CMSS1: variants seen among roughly 807,000 people sequenced by gnomAD.
CMSS1 encodes the protein protein CMSS1.
Under a neutral mutation model 43.5 loss-of-function variants are expected in CMSS1, and 33 were observed. That is an observed-to-expected ratio of 0.76 (90% CI 0.57 to 1.01). CMSS1 has a LOEUF of 1.01. Among genes scored for constraint, CMSS1 ranks in the 50% least tolerant of loss-of-function variants. The probability of loss-of-function intolerance (pLI) is 0.00; values close to 1 mark genes in which losing one functional copy is unlikely to be tolerated. For synonymous variants in CMSS1, 115 were observed against 117.2 expected (o/e 0.98, Z 0.12); for missense variants, 313 against 326.4 (o/e 0.96, Z 0.32).
intron 1 of CMSS1, among the ~76,000 whole-genome samples, chr3:100,129,338 C>A (rs929892767): frequency 2.0e-5 from 3 of 152,034 alleles, no homozygotes; most frequent in Admixed American, 6.5e-5. Context: ...TTTCATAATT[C>A]TTAGTAGGGA....
At chr3:99,832,335 A>G (rs1159279179) in intron 1 of CMSS1, among the ~76,000 whole-genome samples, 2 of 144,196 alleles carry the variant, frequency 1.4e-5, no homozygotes, top group Non-Finnish European at 3.0e-5. Context: ...GGCTCCCGCC[A>G]TTCTCCTGCC....
chr3:99,875,981 G>C (rs964644350), intron 1 of CMSS1: 20 of 861,830 alleles, frequency 2.3e-5, no homozygotes, highest in Middle Eastern at 5.8e-4. Flanking sequence ...TTGTGATGCT[G>C]AGACAGCTTT....
At chr3:99,905,672 T>C (rs1706592595) in intron 1 of CMSS1, among the ~76,000 whole-genome samples, 1 of 152,248 alleles carries the variant, frequency 6.6e-6, no homozygotes, top group South Asian at 2.1e-4. Context: ...ACTCTGCCAC[T>C]AGCCTCCTTT....
At position 99,854,309 on chromosome 3, in the gene CMSS1, C is replaced by A. The variant is rs142458840; in HGVS notation, c.64+36266C>A. ...GTACAGGATTTAGCATTGATACTTG[C>A]ATTATATGCTAATGCAGGTTATCAT... On this transcript the variant is annotated intron_variant, in intron 1 of 9. Coordinates refer to ENST00000421999, the MANE Select transcript of CMSS1 (RefSeq NM_032359.4). Among the ~76,000 whole-genome samples, 1,099 of 152,198 alleles carry A rather than the reference C, an allele frequency of 7.2e-3. 19 individuals carry two copies. Among genetic ancestry groups the A allele is most frequent in the African/African-American group, 0.024 (1,012 of 41,514 alleles).
At chr3:99,909,499 G>T (rs1410773836) in intron 1 of CMSS1, among the ~76,000 whole-genome samples, 2 of 152,102 alleles carry the variant, frequency 1.3e-5, no homozygotes, top group African/African-American at 4.8e-5. Context: ...TGTGAATAAT[G>T]AAAAGTCAAA....
chr3:100,146,652 A>G (rs903806507), intron 1 of CMSS1, among the ~76,000 whole-genome samples: 12 of 152,232 alleles, frequency 7.9e-5, no homozygotes, highest in Non-Finnish European at 8.8e-5. Context: ...TCATCATAAG[A>G]CAGCCTTTTG....
At chr3:100,135,487 TGTG>T (rs2066746081) in intron 1 of CMSS1, among the ~76,000 whole-genome samples, 6 of 139,640 alleles carry the variant, frequency 4.3e-5, no homozygotes, top group Non-Finnish European at 9.4e-5. Flanking sequence ...TGTGTGTGTG[TGTG>T]TTTAAGAGAC....
chr3:99,998,060 T>C (rs1196823583), intron 1 of CMSS1, among the ~76,000 whole-genome samples: 1 of 152,194 alleles, frequency 6.6e-6, no homozygotes, highest in Admixed American at 6.5e-5. Flanking sequence ...AGTTAACTAG[T>C]GTTTAGTTTA....
chr3:99,985,838 C>T (rs1344616134), intron 1 of CMSS1, among the ~76,000 whole-genome samples: 1 of 152,172 alleles, frequency 6.6e-6, no homozygotes, highest in Non-Finnish European at 1.5e-5. Flanking sequence ...ATCCACCCAC[C>T]TCGGCCTCCC....
chr3:100,078,159 A>G (rs1282749714), intron 1 of CMSS1, among the ~76,000 whole-genome samples: 1 of 152,162 alleles, frequency 6.6e-6, no homozygotes, highest in Non-Finnish European at 1.5e-5. Context: ...TATTGGTGCT[A>G]ATATATTTGC....
chr3:100,020,760 C>CTTT (rs34665880), intron 1 of CMSS1, among the ~76,000 whole-genome samples: 1,735 of 71,064 alleles, frequency 0.024, 40 homozygotes, highest in East Asian at 0.039. Context: ...GAATAATTAG[C>CTTT]TTTTTTTTTT....
At chr3:99,848,741 C>T (rs1943495164) in intron 1 of CMSS1, 1 of 1,614,000 alleles carries the variant, frequency 6.2e-7, no homozygotes, top group South Asian at 1.1e-5. Context: ...GCAAAGGTTG[C>T]CATGGTAATT....
chr3:100,098,295 C>G (rs1372863227), intron 1 of CMSS1, among the ~76,000 whole-genome samples: 1 of 152,218 alleles, frequency 6.6e-6, no homozygotes, highest in Admixed American at 6.5e-5. Context: ...GAAACAAGCA[C>G]TGTGTTTTAG....
At chr3:100,012,761 CTTTTTTT>C (rs35737304) in intron 1 of CMSS1, among the ~76,000 whole-genome samples, 3 of 93,612 alleles carry the variant, frequency 3.2e-5, no homozygotes, top group Non-Finnish European at 4.6e-5. Context: ...GAAGCATATT[CTTTTTTT>C]TTTTTTTTTT....
At chr3:99,828,969 T>A (rs975594922) in intron 1 of CMSS1, among the ~76,000 whole-genome samples, 3 of 152,100 alleles carry the variant, frequency 2.0e-5, no homozygotes, top group African/African-American at 4.8e-5. Context: ...CCATCATCCC[T>A]TTCAATGCTG....
At chr3:100,160,327 T>C (rs1014514385) in intron 2 of CMSS1, 103 bp from the exon 3 acceptor site, 1 of 657,162 alleles carries the variant, frequency 1.5e-6, no homozygotes, top group African/African-American at 1.8e-5. Flanking sequence ...ACCAAGATAC[T>C]CTGAAGAATA....
intron 1 of CMSS1, among the ~76,000 whole-genome samples, chr3:100,113,072 T>TA (rs2066517218): frequency 1.3e-5 from 2 of 152,232 alleles, no homozygotes; most frequent in South Asian, 4.1e-4. Flanking sequence ...GTAGTGTAGT[T>TA]AAACAGTGTA....
At chr3:99,931,795 T>G (rs1351871749) in intron 1 of CMSS1, among the ~76,000 whole-genome samples, 1 of 152,206 alleles carries the variant, frequency 6.6e-6, no homozygotes, top group East Asian at 1.9e-4. Context: ...ACACATTAGC[T>G]CCACATCTGA....
chr3:100,081,786 A>G (rs779469498), intron 1 of CMSS1, among the ~76,000 whole-genome samples: 6 of 152,170 alleles, frequency 3.9e-5, no homozygotes, highest in Non-Finnish European at 8.8e-5. Flanking sequence ...TTTTAGAGCC[A>G]GGTTTCTCCT....
Sources: gnomAD v4.1 joint callset for allele counts (sites outside exome capture counted in the v4.1 genomes callset) on GRCh38, gnomAD v4.1.1 for gene constraint, MANE v1.5 for transcripts, NCBI Gene and HGNC (gene_info 2026-07-23, HGNC 2026-07-21) for gene names.